The following NFIB variants were observed in gnomAD, a reference collection of about 807,000 sequenced individuals.
NFIB encodes the protein nuclear factor I B.
Under a neutral mutation model 61.5 loss-of-function variants are expected in NFIB, and 11 were observed. The ratio of observed to expected loss-of-function variants is 0.18; its 90% CI spans 0.11 to 0.30. The LOEUF (loss-of-function observed/expected upper bound fraction) is 0.30, where lower values mean the gene tolerates loss of function less well. Among genes scored for constraint, NFIB ranks in the 10% least tolerant of loss-of-function variants. The pLI is 1.00. For synonymous variants in NFIB, 260 were observed against 216.5 expected, an observed-to-expected ratio of 1.20 and a Z score of -1.76; for missense variants, 471 against 608.9, an observed-to-expected ratio of 0.77 and a Z score of 2.38.
intron 3 of NFIB, among the ~76,000 whole-genome samples, chr9:14,173,864 A>G (rs1033700387): frequency 2.0e-5 from 3 of 152,186 alleles, no homozygotes; most frequent in Admixed American, 6.5e-5. Context: ...ACTCTTTCAC[A>G]TTAAGTATTA....
intron 1 of NFIB, among the ~76,000 whole-genome samples, chr9:14,387,895 T>C (rs1224912711): frequency 6.6e-6 from 1 of 152,196 alleles, no homozygotes; most frequent in Non-Finnish European, 1.5e-5. Context: ...CCGAGGAGGC[T>C]GCTCATAGCA....
chr9:14,263,482 A>G (rs1457892191), intron 2 of NFIB, among the ~76,000 whole-genome samples: 2 of 152,216 alleles, frequency 1.3e-5, no homozygotes, highest in African/African-American at 4.8e-5. Context: ...TGTGTTCAAA[A>G]TATTAAAACA....
chr9:14,219,405 GTC>G (rs2051362821), intron 2 of NFIB, among the ~76,000 whole-genome samples: 1 of 28,464 alleles, frequency 3.5e-5, no homozygotes, highest in African/African-American at 1.7e-4. Flanking sequence ...AAAAAAAAAA[GTC>G]TAAGTTGAAG....
chr9:14,531,564 T>A, the NFIB span, among the ~76,000 whole-genome samples: 1 of 152,042 alleles, frequency 6.6e-6, no homozygotes, highest in Non-Finnish European at 1.5e-5. Flanking sequence ...AGTACATTAC[T>A]CTGTTTTAAG....
At chr9:14,419,287 T>TAAA in the NFIB span, among the ~76,000 whole-genome samples, 21,256 of 126,698 alleles carry the variant, frequency 0.17, 1,800 homozygotes, top group African/African-American at 0.22. Flanking sequence ...GCAGCACTGT[T>TAAA]AAAAAAAAAA....
chr9:14,268,562 G>A (rs2057384086), intron 2 of NFIB, among the ~76,000 whole-genome samples: 2 of 152,108 alleles, frequency 1.3e-5, no homozygotes, highest in South Asian at 2.1e-4. Flanking sequence ...TAACAAAACG[G>A]TGCTCATCTT....
At chr9:14,507,599 A>T in the NFIB span, among the ~76,000 whole-genome samples, 1 of 152,226 alleles carries the variant, frequency 6.6e-6, no homozygotes, top group East Asian at 1.9e-4. Flanking sequence ...CAAACTGTTT[A>T]AACTGGTATT....
upstream of NFIB, among the ~76,000 whole-genome samples, chr9:14,316,440 C>T (rs1220237962): frequency 6.6e-6 from 1 of 152,182 alleles, no homozygotes; most frequent in African/African-American, 2.4e-5. Flanking sequence ...CGAGTTAACC[C>T]TTTCGGCCAC....
chr9:14,501,644 GC>G, the NFIB span, among the ~76,000 whole-genome samples: 2 of 149,648 alleles, frequency 1.3e-5, no homozygotes, highest in East Asian at 4.0e-4. Flanking sequence ...GGTGGCCAGG[GC>G]CCCCTCATTC....
At chr9:14,234,946 G>C (rs1044166955) in intron 2 of NFIB, among the ~76,000 whole-genome samples, 2 of 151,858 alleles carry the variant, frequency 1.3e-5, no homozygotes, top group Non-Finnish European at 2.9e-5. Context: ...TGCTCATTTG[G>C]TCTTTTTGAA....
intron 2 of NFIB, among the ~76,000 whole-genome samples, chr9:14,230,508 C>T (rs944313586): frequency 6.6e-6 from 1 of 152,130 alleles, no homozygotes; most frequent in East Asian, 1.9e-4. Flanking sequence ...CCCATGAGAG[C>T]AGAGATATAG....
chr9:14,187,015 GTGTGTGTGTGTA>G (rs761307122), intron 2 of NFIB, among the ~76,000 whole-genome samples: 22,358 of 53,172 alleles, frequency 0.42, 1,913 homozygotes, highest in Non-Finnish European at 0.52. Flanking sequence ...CTGTGTGTGT[GTGTGTGTGTGTA>G]TGTGTGTGTG....
the NFIB span, among the ~76,000 whole-genome samples, chr9:14,524,085 A>G: frequency 6.6e-6 from 1 of 152,164 alleles, no homozygotes; most frequent in Non-Finnish European, 1.5e-5. Context: ...GGATAGCAGC[A>G]GTCTTGATGC....
intron 2 of NFIB, among the ~76,000 whole-genome samples, chr9:14,219,839 A>C (rs2051421814): frequency 6.6e-6 from 1 of 152,242 alleles, no homozygotes; most frequent in African/African-American, 2.4e-5. Context: ...ATGGTGAATA[A>C]AGCAATATAT....
chr9:14,366,124 A>G (rs33913111), intron 1 of NFIB, among the ~76,000 whole-genome samples: 15,471 of 152,194 alleles, frequency 0.1, 893 homozygotes, highest in Non-Finnish European at 0.12. Flanking sequence ...CAGTTGCATT[A>G]TATAAAATTT....
the NFIB span, among the ~76,000 whole-genome samples, chr9:14,425,773 C>A: frequency 3.3e-5 from 5 of 151,920 alleles, no homozygotes; most frequent in Non-Finnish European, 7.4e-5. Flanking sequence ...ACTACAGAGA[C>A]CTAGTTTCAT....
chr9:14,143,809 T>C lies in NFIB; in HGVS notation c.925+2880A>G, dbSNP rs550763865. Among the ~76,000 whole-genome samples the C allele has an allele frequency of 2.6e-5, 4 of 152,252 alleles. No individual in the cohort carries two copies. In the South Asian group the frequency reaches 8.3e-4, roughly 32 times the overall value. On this transcript the variant is annotated intron_variant, in intron 6 of 10. Coordinates refer to ENST00000380953, the MANE Select transcript of NFIB (RefSeq NM_001190737.2). ...GATGGACAAGAACAACCATTGGGCA[T>C]TTTATTTTGCAAATTTTTAAAAAGC...
At chr9:14,400,805 T>C (rs941191264), upstream of NFIB, among the ~76,000 whole-genome samples, 6 of 152,190 alleles carry the variant, frequency 3.9e-5, no homozygotes, top group Admixed American at 3.9e-4. Context: ...GCTAATGGGA[T>C]GTACCCATTG....
At chr9:14,424,184 C>G in the NFIB span, among the ~76,000 whole-genome samples, 1 of 152,094 alleles carries the variant, frequency 6.6e-6, no homozygotes, top group Non-Finnish European at 1.5e-5. Flanking sequence ...AAGAAGGGGC[C>G]TAGATGGGAA....
Sources: allele counts gnomAD v4.1 joint callset (sites outside exome capture counted in the v4.1 genomes callset), GRCh38; gene constraint gnomAD v4.1.1; transcripts MANE v1.5; gene names NCBI Gene and HGNC (gene_info 2026-07-23, HGNC 2026-07-21).